Variants in CMTM4 observed in about 807,000 individuals in gnomAD.
CMTM4 encodes the protein CKLF-like MARVEL transmembrane domain-containing protein 4.
CMTM4 carries 8 observed loss-of-function variants against 19.0 expected under a neutral mutation model. The ratio of observed to expected loss-of-function variants is 0.42; its 90% confidence interval spans 0.25 to 0.76. CMTM4 has a LOEUF of 0.76. CMTM4 is among the 30% of genes least tolerant of loss of function. CMTM4 has a pLI of 0.27. For synonymous variants in CMTM4, 106 were observed against 121.1 expected, an observed-to-expected ratio of 0.88 and a Z score of 0.82; for missense variants, 228 against 290.2, an observed-to-expected ratio of 0.79 and a Z score of 1.56.
intron 1 of CMTM4, among the ~76,000 whole-genome samples, chr16:66,683,714 C>A (rs1217167043): frequency 1.3e-5 from 2 of 151,798 alleles, no homozygotes; most frequent in Admixed American, 6.6e-5. Flanking sequence ...GCTGACCTTC[C>A]AGCTGGATGG....
intron 2 of CMTM4, among the ~76,000 whole-genome samples, chr16:66,628,647 G>T (rs1018945572): frequency 6.6e-6 from 1 of 152,160 alleles, no homozygotes; most frequent in Non-Finnish European, 1.5e-5. Context: ...CAAAGCAATT[G>T]TTCAAGGTAC....
intron 1 of CMTM4, among the ~76,000 whole-genome samples, chr16:66,656,982 G>C (rs142424110): frequency 2.1e-4 from 32 of 152,108 alleles, no homozygotes; most frequent in African/African-American, 7.5e-4. Context: ...ATGACAACAT[G>C]ATCTAGGATT....
Position 66,696,243 on chromosome 16 carries a change from G to A in CMTM4, c.186+97C>T, listed in dbSNP as rs1004741329. ...GGCGCGAGGAGCGGGCTCCGGCCTGGGCAAGCGGGTACGCGGCGGAGGCCC... is the reference window on the plus strand; with the variant it reads ...GGCGCGAGGAGCGGGCTCCGGCCTGAGCAAGCGGGTACGCGGCGGAGGCCC... On this transcript the variant is annotated intron_variant, in intron 1 of 3. Transcript: ENST00000394106. The surrounding 1 kb of genome is among the most constrained non-coding windows in gnomAD (Gnocchi z 4.3). 4.9e-5 allele frequency: 45 copies of A among 914,122 alleles called. No individual in the cohort carries two copies. The African/African-American group carries it at 7.5e-4, about 15-fold the overall frequency. 56.6% of individuals were successfully genotyped at this position (914,122 alleles called of 1,614,324 possible).
chr16:66,646,700 T>C (rs1258133319), intron 1 of CMTM4, among the ~76,000 whole-genome samples: 1 of 151,882 alleles, frequency 6.6e-6, no homozygotes, highest in Non-Finnish European at 1.5e-5. Flanking sequence ...TTTGAAACCA[T>C]TCATGAATTT....
At chr16:66,598,518 T>G in the CMTM4 span, among the ~76,000 whole-genome samples, 2 of 152,326 alleles carry the variant, frequency 1.3e-5, no homozygotes, top group Non-Finnish European at 2.9e-5. Flanking sequence ...GGTCCCTGTG[T>G]AACCACCACC....
chr16:66,627,754 C>T (rs1166644758), intron 2 of CMTM4, among the ~76,000 whole-genome samples: 1 of 152,152 alleles, frequency 6.6e-6, no homozygotes, highest in Non-Finnish European at 1.5e-5. Flanking sequence ...CCCCTCCACA[C>T]CAGTGGGATA....
intron 1 of CMTM4, among the ~76,000 whole-genome samples, chr16:66,668,437 T>C (rs995527001): frequency 4.6e-5 from 7 of 152,228 alleles, no homozygotes; most frequent in African/African-American, 1.4e-4. Flanking sequence ...TTTGGAAATA[T>C]CTGTCCATGT....
chr16:66,621,120 T>C lies in CMTM4; in HGVS notation c.*938A>G. ...GAACTCTTTGCAGGCATTTAGAAAA[T>C]TAGCACACATCCCTAAAATAGAGGG... On this transcript the variant is annotated 3_prime_UTR_variant, in exon 4 of 4. Coordinates refer to ENST00000394106, the MANE Select transcript of CMTM4 (RefSeq NM_181521.3). The C allele has an allele frequency of 1.0e-6, 1 of 985,816 alleles. No individual in the cohort carries two copies. Among genetic ancestry groups the C allele is most frequent in the Non-Finnish European group, 1.2e-6 (1 of 829,932 alleles). 61.1% of individuals were successfully genotyped at this position (985,816 alleles called of 1,614,324 possible).
At chr16:66,639,318 C>T (rs2016057618) in intron 1 of CMTM4, among the ~76,000 whole-genome samples, 1 of 152,106 alleles carries the variant, frequency 6.6e-6, no homozygotes, top group African/African-American at 2.4e-5. Context: ...TAACTTCAAC[C>T]ATATTTGTGT....
intron 1 of CMTM4, among the ~76,000 whole-genome samples, chr16:66,669,106 A>G (rs2016656591): frequency 6.6e-6 from 1 of 152,246 alleles, no homozygotes; most frequent in Non-Finnish European, 1.5e-5. Flanking sequence ...ACAGGTGAAT[A>G]AAGAAACTGT....
intron 2 of CMTM4, among the ~76,000 whole-genome samples, chr16:66,631,236 C>T (rs2015860090): frequency 6.7e-6 from 1 of 149,768 alleles, no homozygotes; most frequent in Non-Finnish European, 1.5e-5. Context: ...CCCGCCCGGC[C>T]AGCCGCCCCG....
intron 1 of CMTM4, among the ~76,000 whole-genome samples, chr16:66,653,494 G>A (rs1165558194): frequency 6.6e-6 from 1 of 152,224 alleles, no homozygotes; most frequent in Non-Finnish European, 1.5e-5. Flanking sequence ...CCCCAGGGCC[G>A]CCATCCTTAC....
In CMTM4 at chr16:66,617,340, G is replaced by A. The variant is rs202098888; in HGVS notation, c.*4718C>T. The A allele has an allele frequency of 3.4e-4, 554 of 1,613,542 alleles. No individual in the cohort carries two copies. Among genetic ancestry groups the A allele is most frequent in the Non-Finnish European group, 4.1e-4 (486 of 1,179,802 alleles). On this transcript the variant is annotated 3_prime_UTR_variant, in exon 4 of 4. Coordinates refer to ENST00000394106, the MANE Select transcript of CMTM4 (RefSeq NM_181521.3). ...TGGGTGATTTTTTCCTTACTGTTAC[G>A]TTTGTGGAGTAGGAAAAACTAGAAA...
At chr16:66,669,541 C>T (rs1000283815) in intron 1 of CMTM4, among the ~76,000 whole-genome samples, 1 of 150,806 alleles carries the variant, frequency 6.6e-6, no homozygotes, top group African/African-American at 2.4e-5. Flanking sequence ...ATAGCTCAAA[C>T]ATTTGCTGGA....
At chr16:66,628,260 G>A (rs2015783367) in intron 2 of CMTM4, among the ~76,000 whole-genome samples, 1 of 152,146 alleles carries the variant, frequency 6.6e-6, no homozygotes, top group East Asian at 1.9e-4. Flanking sequence ...TATCTCAACT[G>A]CAAGAGGCCT....
In CMTM4 at chr16:66,618,373, G is replaced by A. The variant is rs2015565097; in HGVS notation, c.*3685C>T. On this transcript the variant is annotated 3_prime_UTR_variant, in exon 4 of 4. Coordinates refer to ENST00000394106, the MANE Select transcript of CMTM4 (RefSeq NM_181521.3). ...TGTTTTGAACACAGATGAGACAATA[G>A]GAACCCTTAAATCATCACTGCCTTG... is the stretch of plus-strand genomic sequence containing the variant. 1 of 985,406 alleles carries A rather than the reference G, an allele frequency of 1.0e-6. No homozygotes were observed. Among genetic ancestry groups the A allele is most frequent in the Non-Finnish European group, 1.2e-6 (1 of 829,936 alleles). 61.0% of individuals were successfully genotyped at this position (985,406 alleles called of 1,614,324 possible).
At chr16:66,614,255 C>T (rs1329181635), downstream of CMTM4, among the ~76,000 whole-genome samples, 1 of 152,212 alleles carries the variant, frequency 6.6e-6, no homozygotes, top group Non-Finnish European at 1.5e-5. This position sits in a 1 kb window ranked among gnomAD's most constrained non-coding sequence, Gnocchi z 4.9. Context: ...GGGACCCCTG[C>T]TCTAGTTCTC....
chr16:66,655,435 A>G (rs930642399), intron 1 of CMTM4, among the ~76,000 whole-genome samples: 1 of 152,104 alleles, frequency 6.6e-6, no homozygotes, highest in African/African-American at 2.4e-5. Context: ...CAGGTCTGGG[A>G]CAGGACATCC....
the CMTM4 span, among the ~76,000 whole-genome samples, chr16:66,606,273 C>T: frequency 6.6e-6 from 1 of 152,056 alleles, no homozygotes; most frequent in Non-Finnish European, 1.5e-5. Context: ...GGAAGTGGCC[C>T]CAGAAATCGC....
Sources: gnomAD v4.1 joint callset for allele counts (sites outside exome capture counted in the v4.1 genomes callset) on GRCh38, gnomAD v4.1.1 for gene constraint, Gnocchi (gnomAD v3.1) non-coding constraint, MANE v1.5 for transcripts, NCBI Gene and HGNC (gene_info 2026-07-23, HGNC 2026-07-21) for gene names.